NACC2: variants seen among roughly 807,000 people sequenced by gnomAD.
NACC2 encodes the protein nucleus accumbens-associated protein 2.
In NACC2, 8 loss-of-function variants were observed where a neutral mutation model predicts 25.1. That is an observed-to-expected ratio of 0.32 (90% CI 0.19 to 0.57). The LOEUF (loss-of-function observed/expected upper bound fraction) is 0.57. Ranked by LOEUF, NACC2 falls within the 20% of genes least tolerant of loss-of-function variation. NACC2 has a pLI of 0.89. For synonymous variants in NACC2, 435 were observed against 294.7 expected (o/e 1.48, Z -4.88); for missense variants, 644 against 650.2 (o/e 0.99, Z 0.10).
intron 2 of NACC2, among the ~76,000 whole-genome samples, chr9:136,025,549 A>G (rs943478146): frequency 2.6e-5 from 4 of 152,180 alleles, no homozygotes; most frequent in African/African-American, 9.6e-5. Context: ...TGTACAAGAA[A>G]TACAGGCAAC....
At chr9:136,026,684 C>T (rs1840397522) in intron 2 of NACC2, among the ~76,000 whole-genome samples, 1 of 152,196 alleles carries the variant, frequency 6.6e-6, no homozygotes, top group African/African-American at 2.4e-5. Context: ...ACAACATACA[C>T]AGAATTAACA....
intron 2 of NACC2, among the ~76,000 whole-genome samples, chr9:136,037,551 A>G (rs1840572266): frequency 6.7e-6 from 1 of 149,946 alleles, no homozygotes; most frequent in Admixed American, 6.7e-5. Context: ...TCTGTCACTC[A>G]GGCTGGAGTA....
Position 136,019,988 on chromosome 9 carries a change from C to T in NACC2, c.887-3559G>A, listed in dbSNP as rs954283465. Among the ~76,000 whole-genome samples the T allele has an allele frequency of 2.3e-5, 3 of 130,956 alleles. No individual in the cohort carries two copies. Among genetic ancestry groups the T allele is most frequent in the Admixed American group, 2.2e-4 (3 of 13,398 alleles). 85.9% of individuals were successfully genotyped at this position (130,956 alleles called of 152,430 possible). On this transcript the variant is annotated intron_variant, in intron 2 of 5. Transcript: ENST00000277554. The surrounding 1 kb of genome is among the most constrained non-coding windows in gnomAD (Gnocchi z 5.2). The stretch of plus-strand genomic sequence containing the variant: ...GAGGCGGGAAACAGAGGGTGGGTGC[C>T]GGGGCTGGGTGGGGGAACGGGGAGG...
chr9:136,061,202 G>T (rs140186110), intron 1 of NACC2, among the ~76,000 whole-genome samples: 1 of 152,156 alleles, frequency 6.6e-6, no homozygotes, highest in Admixed American at 6.5e-5. Context: ...GGCTACCGGG[G>T]TCTCCCACTG....
At chr9:136,073,053 G>A (rs1415644888) in intron 1 of NACC2, among the ~76,000 whole-genome samples, 1 of 152,140 alleles carries the variant, frequency 6.6e-6, no homozygotes, top group East Asian at 1.9e-4. Flanking sequence ...CACAGGTAAT[G>A]GGATGAAAAG....
intron 1 of NACC2, among the ~76,000 whole-genome samples, chr9:136,087,098 C>T (rs1408636083): frequency 1.3e-5 from 2 of 152,216 alleles, no homozygotes; most frequent in African/African-American, 2.4e-5. Flanking sequence ...CGTGTGAGGA[C>T]GGAGGCAGAG....
In NACC2 at chr9:136,063,157, C is replaced by T. The variant is rs555853360; in HGVS notation, c.-59-12577G>A. On this transcript the variant is annotated intron_variant, in intron 1 of 5. Coordinates refer to ENST00000277554, the MANE Select transcript of NACC2 (RefSeq NM_144653.5). ...GTCGATCTGTCTCTCTCCTGTCAAA[C>T]GTGTGGTTTGAGCCGCATTCCCATT... Among the ~76,000 whole-genome samples, 82 of 152,306 alleles carry T rather than the reference C, an allele frequency of 5.4e-4. 1 individual carries two copies. The highest frequency in any genetic ancestry group is 1.9e-3 in the African/African-American group (80 of 41,572).
Position 136,050,422 on chromosome 9 carries a change from T to C in NACC2, c.100A>G (p.Ile34Val), listed in dbSNP as rs938631171. The change falls in exon 2 of 6, where the codon ATC becomes GTC. Residue 34 changes from isoleucine to valine, a missense_variant. By Grantham distance (29) the Ile-to-Val change is conservative. Transcript: ENST00000277554. The stretch of plus-strand genomic sequence containing the variant: ...TTGAAGGCCTGGCCCTTGACCACGA[T>C]GGACACATCGCAGTAGAGGCCCAGC... ...RLLGLYCDVSIVVKGQAFKAH... is the reference protein window; with the variant it reads ...RLLGLYCDVSVVVKGQAFKAH... 1 of 766,424 alleles carries C rather than the reference T, an allele frequency of 1.3e-6. No individual in the cohort carries two copies. The highest frequency in any genetic ancestry group is 2.4e-6 in the Non-Finnish European group (1 of 416,932). The allele number at this position is 766,424 out of a possible 1,614,324, so 47.5% of individuals were successfully genotyped here.
At chr9:136,014,203 G>A (rs530097458) in intron 3 of NACC2, among the ~76,000 whole-genome samples, 2 of 152,102 alleles carry the variant, frequency 1.3e-5, no homozygotes, top group Non-Finnish European at 2.9e-5. Context: ...TAAGCAGGGG[G>A]TGGGGAAAGC....
chr9:136,023,963 A>C (rs982763186), intron 2 of NACC2, among the ~76,000 whole-genome samples: 9 of 151,994 alleles, frequency 5.9e-5, no homozygotes, highest in Non-Finnish European at 7.4e-5. Context: ...AACCCCCCCC[A>C]CACACACGTG....
chr9:136,054,537 C>A (rs1407744125), intron 1 of NACC2, among the ~76,000 whole-genome samples: 1 of 152,148 alleles, frequency 6.6e-6, no homozygotes, highest in Non-Finnish European at 1.5e-5. Context: ...AGCAGACACA[C>A]GGGGGCTGAC....
At chr9:136,027,243 T>C (rs898367176) in intron 2 of NACC2, among the ~76,000 whole-genome samples, 2 of 151,964 alleles carry the variant, frequency 1.3e-5, no homozygotes, top group African/African-American at 2.4e-5. Context: ...CAAAAAAAAT[T>C]AATGTTTGTG....
chr9:136,066,780 A>G (rs1161915538), intron 1 of NACC2, among the ~76,000 whole-genome samples: 1 of 152,188 alleles, frequency 6.6e-6, no homozygotes, highest in Non-Finnish European at 1.5e-5. Flanking sequence ...GAATATCCAT[A>G]CAATGTCATT....
At chr9:136,058,004 T>TC (rs148160660) in intron 1 of NACC2, among the ~76,000 whole-genome samples, 1,800 of 152,296 alleles carry the variant, frequency 0.012, 36 homozygotes, top group African/African-American at 0.041. Flanking sequence ...CCATAAATAG[T>TC]GAGGCGAGGT....
At position 136,084,215 on chromosome 9, in the gene NACC2, T is replaced by C. The variant is rs1830354483; in HGVS notation, c.-60+10974A>G. ...AACACCCACTCACCAACCTGCAGCC[T>C]CCCCGCTCCCAGGTCAAAGACCTCC... is the stretch of plus-strand genomic sequence containing the variant. On this transcript the variant is annotated intron_variant, in intron 1 of 5. Coordinates refer to ENST00000277554, the MANE Select transcript of NACC2 (RefSeq NM_144653.5). This position sits in a 1 kb window ranked among gnomAD's most constrained non-coding sequence, Gnocchi z 5.1. Among the ~76,000 whole-genome samples the C allele has an allele frequency of 6.6e-6, 1 of 151,944 alleles. No homozygotes were observed. Among genetic ancestry groups the C allele is most frequent in the Non-Finnish European group, 1.5e-5 (1 of 67,978 alleles).
At chr9:136,016,908 G>A (rs894273461) in intron 2 of NACC2, among the ~76,000 whole-genome samples, 5 of 152,124 alleles carry the variant, frequency 3.3e-5, no homozygotes, top group African/African-American at 9.7e-5. Context: ...CTGGGTGGAG[G>A]AGAGGTGGGT....
intron 2 of NACC2, among the ~76,000 whole-genome samples, chr9:136,033,705 G>T (rs1269844531): frequency 6.7e-6 from 1 of 149,932 alleles, no homozygotes; most frequent in Non-Finnish European, 1.5e-5. Context: ...AAAAAGATGT[G>T]CAGAGAACTA....
At position 136,040,828 on chromosome 9, in the gene NACC2, G is replaced by A. The variant is rs988607148; in HGVS notation, c.886+8808C>T. On this transcript the variant is annotated intron_variant, in intron 2 of 5. Coordinates refer to ENST00000277554, the MANE Select transcript of NACC2 (RefSeq NM_144653.5). ...GCAAAAAAATTAGCCGGGTGTGGTG[G>A]TGCACGCCTGTAGTTCCAGCTACTC... 4.1e-4 allele frequency among the ~76,000 whole-genome samples: 63 copies of A among 152,280 alleles called. 1 individual carries two copies. The East Asian group carries it at 0.011, about 27-fold the overall frequency.
chr9:136,088,972 G>C (rs1038970599), intron 1 of NACC2, among the ~76,000 whole-genome samples: 2 of 152,240 alleles, frequency 1.3e-5, no homozygotes, highest in Admixed American at 6.5e-5. Flanking sequence ...TCGGCATCGC[G>C]TGGAGCGGCT....
Sources: allele counts gnomAD v4.1 joint callset (sites outside exome capture counted in the v4.1 genomes callset), GRCh38; gene constraint gnomAD v4.1.1; non-coding constraint Gnocchi (gnomAD v3.1); transcripts MANE v1.5; gene names NCBI Gene and HGNC (gene_info 2026-07-23, HGNC 2026-07-21).